Variants in ATRNL1 observed in about 807,000 individuals in gnomAD.
ATRNL1 encodes attractin like 1.
In ATRNL1, 95 loss-of-function variants were observed where a neutral mutation model predicts 182.7. The ratio of observed to expected loss-of-function variants is 0.52; its 90% CI spans 0.44 to 0.62. The LOEUF is 0.62. Ranked by LOEUF, ATRNL1 falls within the 20% of genes least tolerant of loss-of-function variation. The probability of loss-of-function intolerance (pLI) is 0.00; values close to 1 mark genes in which losing one functional copy is unlikely to be tolerated. For missense variants in ATRNL1, 1,471 were observed against 1,679.5 expected (o/e 0.88, Z 2.17); for synonymous variants, 576 against 568.3 (o/e 1.01, Z -0.19).
At position 115,934,404 on chromosome 10, in the gene ATRNL1, A is replaced by G. The variant is rs1235568952; in HGVS notation, c.4019-10254A>G. On this transcript the variant is annotated intron_variant, in intron 28 of 28. Coordinates refer to ENST00000355044, the MANE Select transcript of ATRNL1 (RefSeq NM_207303.4). The stretch of plus-strand genomic sequence containing the variant: ...CATAGACTTTATTCCTGAGTTTCAC[A>G]ACTGCATATCCAAGTAGACAGGTCC... 3.3e-5 allele frequency among the ~76,000 whole-genome samples: 5 copies of G among 152,108 alleles called. 1 individual carries two copies. Among genetic ancestry groups the G allele is most frequent in the African/African-American group, 1.2e-4 (5 of 41,422 alleles).
At chr10:115,644,717 C>A (rs1555031626) in intron 26 of ATRNL1, among the ~76,000 whole-genome samples, 1 of 152,102 alleles carries the variant, frequency 6.6e-6, no homozygotes, top group Non-Finnish European at 1.5e-5. Context: ...TAAATAAATG[C>A]TGACTGTTAT....
chr10:115,316,111 C>T (rs1323067435), intron 18 of ATRNL1, among the ~76,000 whole-genome samples: 1 of 152,100 alleles, frequency 6.6e-6, no homozygotes, highest in Non-Finnish European at 1.5e-5. Context: ...TTCCCCTCAC[C>T]CCCAGCCCGG....
intron 26 of ATRNL1, among the ~76,000 whole-genome samples, chr10:115,591,433 C>T (rs1043952217): frequency 6.6e-6 from 1 of 152,116 alleles, no homozygotes; most frequent in African/African-American, 2.4e-5. Context: ...AGCAAATCCT[C>T]TCGGAGAAGA....
chr10:115,451,151 C>T (rs546651329), intron 21 of ATRNL1, among the ~76,000 whole-genome samples: 1 of 152,044 alleles, frequency 6.6e-6, no homozygotes, highest in Admixed American at 6.6e-5. Context: ...ATGTAAAACA[C>T]AAAACTATAA....
At chr10:115,373,447 A>G (rs1554948651) in intron 19 of ATRNL1, among the ~76,000 whole-genome samples, 2 of 152,022 alleles carry the variant, frequency 1.3e-5, no homozygotes, top group African/African-American at 2.4e-5. Context: ...TTATTGTTCT[A>G]GAAGAAATGC....
At chr10:115,676,918 C>G (rs1219404949) in intron 26 of ATRNL1, among the ~76,000 whole-genome samples, 1 of 152,038 alleles carries the variant, frequency 6.6e-6, no homozygotes, top group African/African-American at 2.4e-5. Context: ...CTGCTACACC[C>G]ATGACCAATG....
At chr10:115,497,395 G>T (rs1324857390) in intron 24 of ATRNL1, among the ~76,000 whole-genome samples, 1 of 152,170 alleles carries the variant, frequency 6.6e-6, no homozygotes, top group East Asian at 1.9e-4. Context: ...AGTCCATGGG[G>T]ACTATCACTC....
At chr10:115,826,587 A>G (rs1555092062) in intron 27 of ATRNL1, among the ~76,000 whole-genome samples, 1 of 152,166 alleles carries the variant, frequency 6.6e-6, no homozygotes, top group African/African-American at 2.4e-5. Context: ...AGTTCAGCAA[A>G]TTCCGGGTTC....
chr10:115,725,170 G>A (rs1555059541), intron 26 of ATRNL1, among the ~76,000 whole-genome samples: 1 of 152,082 alleles, frequency 6.6e-6, no homozygotes, highest in African/African-American at 2.4e-5. Context: ...AAGTAATTTA[G>A]TAGGCATTCA....
chr10:115,730,558 T>A lies in ATRNL1; in HGVS notation c.3903+3203T>A, dbSNP rs551235089. The stretch of plus-strand genomic sequence containing the variant: ...CAATGTGTCCATATGTGTGTGTATG[T>A]GTATATATACATATGTTTCTTATTT... On this transcript the variant is annotated intron_variant, in intron 27 of 28. Coordinates refer to ENST00000355044, the MANE Select transcript of ATRNL1 (RefSeq NM_207303.4). 2.0e-5 allele frequency among the ~76,000 whole-genome samples: 3 copies of A among 152,286 alleles called. No individual in the cohort carries two copies. In the South Asian group the frequency reaches 6.2e-4, roughly 32 times the overall value.
intron 26 of ATRNL1, among the ~76,000 whole-genome samples, chr10:115,587,581 G>A (rs868977634): frequency 8.3e-5 from 11 of 132,386 alleles, no homozygotes; most frequent in South Asian, 2.9e-4. Context: ...GACCCCTTGC[G>A]CTTCCCGAGT....
At chr10:115,917,114 T>C (rs1324955244) in intron 28 of ATRNL1, among the ~76,000 whole-genome samples, 1 of 152,214 alleles carries the variant, frequency 6.6e-6, no homozygotes, top group African/African-American at 2.4e-5. Context: ...CGTCTAACTC[T>C]GACTGCCACT....
chr10:115,389,566 A>ATATG (rs1843894481), intron 19 of ATRNL1, among the ~76,000 whole-genome samples: 1 of 117,750 alleles, frequency 8.5e-6, no homozygotes, highest in Non-Finnish European at 1.8e-5. Flanking sequence ...ATATATATAT[A>ATATG]TATATATATA....
At chr10:115,625,476 C>T (rs1555024359) in intron 26 of ATRNL1, among the ~76,000 whole-genome samples, 1 of 151,996 alleles carries the variant, frequency 6.6e-6, no homozygotes, top group Non-Finnish European at 1.5e-5. Flanking sequence ...TAAGAAAAAT[C>T]ACTATTGTTG....
intron 26 of ATRNL1, among the ~76,000 whole-genome samples, chr10:115,635,609 A>T (rs1858820544): frequency 6.6e-6 from 1 of 152,184 alleles, no homozygotes; most frequent in South Asian, 2.1e-4. Flanking sequence ...ATACCCTGTA[A>T]CTGAGAAATT....
intron 28 of ATRNL1, among the ~76,000 whole-genome samples, chr10:115,894,001 A>T (rs1251145720): frequency 6.6e-6 from 1 of 152,164 alleles, no homozygotes; most frequent in African/African-American, 2.4e-5. Context: ...TTGTACTTCT[A>T]CAGGATGAGG....
intron 19 of ATRNL1, among the ~76,000 whole-genome samples, chr10:115,354,087 C>A (rs1438251017): frequency 2.0e-5 from 3 of 152,174 alleles, no homozygotes; most frequent in Non-Finnish European, 4.4e-5. Flanking sequence ...CCCAGGACAG[C>A]TTTGAATATG....
intron 26 of ATRNL1, among the ~76,000 whole-genome samples, chr10:115,600,782 T>A (rs1332918505): frequency 6.6e-6 from 1 of 152,024 alleles, no homozygotes; most frequent in Non-Finnish European, 1.5e-5. Context: ...TTGTTCTACT[T>A]AAGGAAACGT....
At chr10:115,877,620 T>G (rs888096325) in intron 28 of ATRNL1, among the ~76,000 whole-genome samples, 2 of 152,216 alleles carry the variant, frequency 1.3e-5, no homozygotes, top group Non-Finnish European at 2.9e-5. Context: ...CAATAATACC[T>G]GGATGAGATT....
Sources: gnomAD v4.1 joint callset for allele counts (sites outside exome capture counted in the v4.1 genomes callset) on GRCh38, gnomAD v4.1.1 for gene constraint, MANE v1.5 for transcripts, NCBI Gene and HGNC (gene_info 2026-07-23, HGNC 2026-07-21) for gene names.